The following SLMAP variants were observed in gnomAD, a reference collection of about 807,000 sequenced individuals.
SLMAP encodes the protein sarcolemma associated protein, also known as sarcolemmal membrane-associated protein.
SLMAP carries 44 observed loss-of-function variants against 128.8 expected under a neutral mutation model. The ratio of observed to expected loss-of-function variants is 0.34; its 90% CI spans 0.27 to 0.44. The LOEUF is 0.44. SLMAP is among the 20% of genes least tolerant of loss of function. The pLI, the probability that SLMAP is intolerant of heterozygous loss-of-function variation, is 1.00. For synonymous variants in SLMAP, 327 were observed against 348.8 expected, an observed-to-expected ratio of 0.94 and a Z score of 0.70; for missense variants, 787 against 985.3, an observed-to-expected ratio of 0.80 and a Z score of 2.69.
chr3:57,885,965 G>C (rs1245578972), intron 14 of SLMAP, among the ~76,000 whole-genome samples: 2 of 148,766 alleles, frequency 1.3e-5, no homozygotes, highest in African/African-American at 5.0e-5. Context: ...TGTATTTTTA[G>C]TAGAGACGGG....
At chr3:57,907,823 T>C (rs1184128614) in intron 17 of SLMAP, 61 bp from the exon 18 acceptor site, 1 of 1,517,248 alleles carries the variant, frequency 6.6e-7, no homozygotes, top group East Asian at 2.3e-5. Context: ...TTACCAGTCT[T>C]TTATTGTAGA....
chr3:57,860,118 G>A (rs140572450), intron 8 of SLMAP, among the ~76,000 whole-genome samples: 34 of 152,112 alleles, frequency 2.2e-4, no homozygotes, highest in African/African-American at 5.8e-4. Flanking sequence ...CTGGGCTCAC[G>A]CAATCCTCCC....
chr3:57,843,799 A>G (rs1429718823), intron 4 of SLMAP, among the ~76,000 whole-genome samples: 1 of 17,674 alleles, frequency 5.7e-5, no homozygotes, highest in Non-Finnish European at 1.0e-4. Context: ...TTTTTTTTTG[A>G]GACAGAATCT....
rs370899531 is a variant in SLMAP, at chr3:57,764,811, T to C, written c.198+6962T>C. On this transcript the variant is annotated intron_variant, in intron 2 of 24. Transcript: ENST00000671191. Reference sequence around the variant, plus strand: ...ACTCAAGCTCATAACCACTGTGCTATTCTAAAGGCTTTATAACACTTTAGA... The same window carrying C: ...ACTCAAGCTCATAACCACTGTGCTACTCTAAAGGCTTTATAACACTTTAGA... Among the ~76,000 whole-genome samples the C allele has an allele frequency of 3.3e-5, 5 of 152,218 alleles. No individual in the cohort carries two copies. In the East Asian group the frequency reaches 5.8e-4, roughly 18 times the overall value.
chr3:57,928,678 C>T lies in SLMAP; in HGVS notation c.*1389C>T, dbSNP rs1052722176. ...GTTAAATTTTTCAGTCAGTGAAGAC[C>T]GGGAGGGAATGTCAGTGAATTGGCT... On this transcript the variant is annotated 3_prime_UTR_variant, in exon 25 of 25. Transcript: ENST00000671191. 3 of 151,938 alleles carry T rather than the reference C, an allele frequency of 2.0e-5. No individual in the cohort carries two copies. Among genetic ancestry groups the T allele is most frequent in the African/African-American group, 4.8e-5 (2 of 41,358 alleles). The allele number at this position is 151,938 out of a possible 1,614,324, so 9.4% of individuals were successfully genotyped here.
At chr3:57,790,130 C>T (rs1436045383) in intron 2 of SLMAP, among the ~76,000 whole-genome samples, 1 of 152,194 alleles carries the variant, frequency 6.6e-6, no homozygotes, top group Non-Finnish European at 1.5e-5. Flanking sequence ...AGCCACCATG[C>T]CCAGCCAATC....
chr3:57,885,015 A>C (rs921957201), intron 14 of SLMAP, among the ~76,000 whole-genome samples: 2 of 152,294 alleles, frequency 1.3e-5, no homozygotes, highest in South Asian at 4.1e-4. Flanking sequence ...CAAACAAAAA[A>C]ACACACACAG....
intron 2 of SLMAP, among the ~76,000 whole-genome samples, chr3:57,805,421 A>G (rs116171349): frequency 0.013 from 1,925 of 152,326 alleles, 28 homozygotes; most frequent in African/African-American, 0.044. Flanking sequence ...TTCATTCACT[A>G]TCCACCATTG....
At chr3:57,786,552 CTTTTTTTTT>C (rs34574598) in intron 2 of SLMAP, among the ~76,000 whole-genome samples, 2 of 129,972 alleles carry the variant, frequency 1.5e-5, no homozygotes, top group African/African-American at 5.6e-5. Flanking sequence ...AATTATATAG[CTTTTTTTTT>C]TTTTTTTTTT....
At chr3:57,836,248 G>A (rs1005052354) in intron 3 of SLMAP, among the ~76,000 whole-genome samples, 4 of 151,812 alleles carry the variant, frequency 2.6e-5, no homozygotes, top group African/African-American at 4.8e-5. Context: ...GGAGAAGAGG[G>A]AGCCAAATTA....
intron 2 of SLMAP, among the ~76,000 whole-genome samples, chr3:57,791,592 T>G (rs1189043174): frequency 1.3e-5 from 2 of 152,146 alleles, no homozygotes; most frequent in Admixed American, 6.5e-5. Flanking sequence ...AAAGTTAAGG[T>G]ATGAATAATT....
intron 2 of SLMAP, among the ~76,000 whole-genome samples, chr3:57,810,209 G>A (rs530207113): frequency 1.6e-4 from 24 of 152,238 alleles, no homozygotes; most frequent in South Asian, 4.1e-4. Context: ...CTGGCACCTG[G>A]AGCTGCCCGC....
rs895180400 is a variant in SLMAP at position 57,886,593 on chromosome 3, T to C, written c.1301-3448T>C. Reference sequence around the variant, plus strand: ...AAAAGGCAAGAGGTTTTTTTTTTTTTCAAGAGGGAAAATTAAAGAAAATTT... The same window carrying C: ...AAAAGGCAAGAGGTTTTTTTTTTTTCCAAGAGGGAAAATTAAAGAAAATTT... On this transcript the variant is annotated intron_variant, in intron 14 of 24. Transcript: ENST00000671191. 1.3e-4 allele frequency among the ~76,000 whole-genome samples: 20 copies of C among 150,906 alleles called. No individual in the cohort carries two copies. The East Asian group carries it at 1.6e-3, about 12-fold the overall frequency.
intron 2 of SLMAP, among the ~76,000 whole-genome samples, chr3:57,808,638 T>G (rs2090362574): frequency 6.6e-6 from 1 of 152,234 alleles, no homozygotes; most frequent in African/African-American, 2.4e-5. Flanking sequence ...ATGATTTTTG[T>G]TCTTTTGCAT....
intron 14 of SLMAP, among the ~76,000 whole-genome samples, chr3:57,880,886 G>A (rs1249714945): frequency 6.6e-6 from 1 of 151,888 alleles, no homozygotes; most frequent in Non-Finnish European, 1.5e-5. Flanking sequence ...CCTTGTCTCA[G>A]AATTTTTAAA....
intron 17 of SLMAP, among the ~76,000 whole-genome samples, chr3:57,906,675 AT>A (rs1437191563): frequency 0.42 from 51,734 of 122,396 alleles, 9,693 homozygotes; most frequent in East Asian, 0.65. Flanking sequence ...TGAAAAAAAA[AT>A]ATATATATAT....
At chr3:57,832,784 C>A (rs559174567) in intron 3 of SLMAP, among the ~76,000 whole-genome samples, 2 of 152,230 alleles carry the variant, frequency 1.3e-5, no homozygotes, top group South Asian at 2.1e-4. Context: ...TTTTTTTGGC[C>A]TCCTCAGAAA....
intron 11 of SLMAP, 25 bp from the exon 12 acceptor site, chr3:57,864,778 CTTTT>C: frequency 8.2e-7 from 1 of 1,217,412 alleles, no homozygotes; most frequent in Non-Finnish European, 1.1e-6. Flanking sequence ...TGTGAAATAT[CTTTT>C]TTTTTTTTGG....
chr3:57,790,529 T>G (rs1024946854), intron 2 of SLMAP, among the ~76,000 whole-genome samples: 10 of 152,222 alleles, frequency 6.6e-5, no homozygotes, highest in Non-Finnish European at 1.3e-4. Flanking sequence ...AATTATCAAA[T>G]TCTACCTAAT....
Sources: allele counts gnomAD v4.1 joint callset (sites outside exome capture counted in the v4.1 genomes callset), GRCh38; gene constraint gnomAD v4.1.1; transcripts MANE v1.5; gene names NCBI Gene and HGNC (gene_info 2026-07-23, HGNC 2026-07-21).